The following ARHGAP23 variants were observed in gnomAD, a reference collection of about 807,000 sequenced individuals.
ARHGAP23 encodes Rho GTPase activating protein 23, also known as rho GTPase-activating protein 23.
Under a neutral mutation model 136.3 loss-of-function variants are expected in ARHGAP23, and 34 were observed. That is an observed-to-expected ratio of 0.25 (90% CI 0.19 to 0.33). ARHGAP23 has a LOEUF of 0.33. Among genes scored for constraint, ARHGAP23 ranks in the 10% least tolerant of loss-of-function variants. The probability of loss-of-function intolerance (pLI) is 1.00; values close to 1 mark genes in which losing one functional copy is unlikely to be tolerated. For synonymous variants in ARHGAP23, 832 were observed against 920.5 expected (o/e 0.90, Z 1.74); for missense variants, 1,808 against 2,139.0 (o/e 0.85, Z 3.05).
intron 1 of ARHGAP23, among the ~76,000 whole-genome samples, chr17:38,436,077 A>G (rs1004712067): frequency 1.3e-5 from 2 of 152,146 alleles, no homozygotes; most frequent in African/African-American, 4.8e-5. Flanking sequence ...AAGCCTTGGC[A>G]CTGTGCCCCT....
chr17:38,466,849 C>A lies in ARHGAP23; in HGVS notation c.1166C>A (p.Thr389Asn), dbSNP rs1215539439. ...GCTTCCCAGCGTTCGTCTGCCCGCA[C>A]CCCCGCCTGCCCAACTCGGGACCTG... ...GWASQRSSAR[T>N]PACPTRDLPG... Residue 389 changes from threonine (T) to asparagine (N), a missense_variant, in exon 7 of 24, where the codon ACC becomes AAC. Physicochemically the swap from Thr to Asn is moderately conservative, Grantham distance 65. This residue lies in a region of ARHGAP23 where 859 missense variants were observed against 936.4 expected (regional missense o/e 0.92). Transcript: ENST00000622683. 1.9e-6 allele frequency: 3 copies of A among 1,548,902 alleles called. No individual in the cohort carries two copies. Among genetic ancestry groups the A allele is most frequent in the Non-Finnish European group, 2.6e-6 (3 of 1,146,618 alleles).
intron 23 of ARHGAP23, among the ~76,000 whole-genome samples, chr17:38,507,854 A>G (rs994209252): frequency 1.3e-5 from 2 of 152,232 alleles, no homozygotes; most frequent in African/African-American, 4.8e-5. Flanking sequence ...GAGCAAGGAC[A>G]GTGGCTGCAG....
At chr17:38,440,791 G>A (rs559274807) in intron 1 of ARHGAP23, among the ~76,000 whole-genome samples, 2 of 152,318 alleles carry the variant, frequency 1.3e-5, no homozygotes, top group East Asian at 3.9e-4. Context: ...TCACTGATGA[G>A]GAGAGGGATC....
chr17:38,455,547 G>A (rs923051977), intron 1 of ARHGAP23, among the ~76,000 whole-genome samples: 1 of 152,218 alleles, frequency 6.6e-6, no homozygotes, highest in African/African-American at 2.4e-5. Context: ...GTGTGCTGGG[G>A]GAGGGGCGGG....
At chr17:38,449,550 C>T (rs9630731) in intron 1 of ARHGAP23, among the ~76,000 whole-genome samples, 6 of 152,044 alleles carry the variant, frequency 3.9e-5, no homozygotes, top group Non-Finnish European at 5.9e-5. Context: ...CTGAGGGGGC[C>T]GCCGCCCTTG....
chr17:38,479,230 G>A (rs2039972523), intron 12 of ARHGAP23, among the ~76,000 whole-genome samples: 1 of 152,286 alleles, frequency 6.6e-6, no homozygotes, highest in African/African-American at 2.4e-5. Flanking sequence ...TTACCGAGGA[G>A]ACTGAGGCTC....
In ARHGAP23 at chr17:38,510,044, G is replaced by A. The variant is rs1242761118; in HGVS notation, c.3548G>A (p.Arg1183Gln). ...NRKRKKRREA[R>Q]GLGSSTDDDS... ...AAGCGCAAGAAGCGGCGGGAGGCGC[G>A]GGGGCTGGGCAGCAGCACCGACGAC... is the stretch of plus-strand genomic sequence containing the variant. Residue 1183 changes from arginine to glutamine, a missense_variant, in exon 24 of 24, where the codon CGG becomes CAG. Arg to Gln is a conservative substitution (Grantham distance 43). Transcript: ENST00000622683. The surrounding 1 kb of genome is among the most constrained non-coding windows in gnomAD (Gnocchi z 4.6). 4.0e-6 allele frequency: 5 copies of A among 1,243,894 alleles called. No individual in the cohort carries two copies. The East Asian group carries it at 1.3e-4, about 31-fold the overall frequency. 77.1% of individuals were successfully genotyped at this position (1,243,894 alleles called of 1,614,324 possible).
intron 6 of ARHGAP23, 86 bp from the exon 7 acceptor site, chr17:38,466,081 G>T: frequency 1.7e-6 from 2 of 1,174,898 alleles, no homozygotes; most frequent in South Asian, 1.9e-5. Flanking sequence ...TTTCCCTCCT[G>T]GGCTCCTTGA....
chr17:38,430,010 G>A (rs933224654), intron 1 of ARHGAP23, among the ~76,000 whole-genome samples: 7 of 152,206 alleles, frequency 4.6e-5, no homozygotes, highest in Non-Finnish European at 1.0e-4. Flanking sequence ...CGGCCCCAGC[G>A]GCTTCTTCCA....
chr17:38,435,461 C>A (rs1052629840), intron 1 of ARHGAP23, among the ~76,000 whole-genome samples: 1 of 152,202 alleles, frequency 6.6e-6, no homozygotes, highest in African/African-American at 2.4e-5. Context: ...GCACCCCAGG[C>A]TTTTGGACTG....
At chr17:38,483,406 T>G (rs2040091442) in intron 16 of ARHGAP23, among the ~76,000 whole-genome samples, 1 of 152,220 alleles carries the variant, frequency 6.6e-6, no homozygotes, top group Non-Finnish European at 1.5e-5. Context: ...AGGCCGGCGA[T>G]TCTCAAAGGG....
chr17:38,427,076 T>C (rs2038580999), upstream of ARHGAP23, among the ~76,000 whole-genome samples: 1 of 152,144 alleles, frequency 6.6e-6, no homozygotes, highest in Non-Finnish European at 1.5e-5. Context: ...ACTGAAAAAG[T>C]CATGGGAAAG....
chr17:38,495,325 G>A (rs1254601427), intron 20 of ARHGAP23, among the ~76,000 whole-genome samples: 1 of 151,292 alleles, frequency 6.6e-6, no homozygotes, highest in Non-Finnish European at 1.5e-5. Context: ...TCCAGCTCCT[G>A]GGCTCAAGTG....
At chr17:38,445,720 G>C (rs2144545005) in intron 1 of ARHGAP23, among the ~76,000 whole-genome samples, 1 of 151,342 alleles carries the variant, frequency 6.6e-6, no homozygotes, top group Non-Finnish European at 1.5e-5. Context: ...CTGCAGCCTT[G>C]ACGCCCTGGG....
intron 1 of ARHGAP23, among the ~76,000 whole-genome samples, chr17:38,438,148 C>G (rs2038843306): frequency 6.6e-6 from 1 of 152,078 alleles, no homozygotes; most frequent in Admixed American, 6.5e-5. Flanking sequence ...TGGTGAAACC[C>G]CATCTCTACT....
intron 21 of ARHGAP23, 127 bp from the exon 22 acceptor site, chr17:38,498,287 G>A (rs1174422887): frequency 1.3e-5 from 9 of 667,498 alleles, no homozygotes; most frequent in East Asian, 1.2e-4. Context: ...TGAGGGAGAC[G>A]GTCCCTGCCC....
intron 10 of ARHGAP23, 113 bp downstream of exon 10, chr17:38,470,017 T>G (rs2039710847): frequency 1.5e-6 from 2 of 1,304,260 alleles, no homozygotes; most frequent in Admixed American, 4.1e-5. Context: ...GCTCCTGCCT[T>G]CCTCCTCCTC....
Position 38,477,872 on chromosome 17 carries a change from G to A in ARHGAP23, c.2412G>A (p.Arg804=). 1 of 1,548,534 alleles carries A rather than the reference G, an allele frequency of 6.5e-7. No individual in the cohort carries two copies. The highest frequency in any genetic ancestry group is 8.7e-7 in the Non-Finnish European group (1 of 1,146,478). The part of the protein sequence containing the change: ...DDMLGWIRAI[R]ENSRAEGEDP... ...TGCTGGGCTGGATCAGAGCGATCCGGGAGAACAGCAGGGCCGAGGGCGAGG... is the reference window on the plus strand; with the variant it reads ...TGCTGGGCTGGATCAGAGCGATCCGAGAGAACAGCAGGGCCGAGGGCGAGG... The change falls in exon 12 of 24, where the codon CGG becomes CGA. Residue 804 remains arginine (R), a synonymous_variant. Coordinates refer to ENST00000622683, the MANE Select transcript of ARHGAP23 (RefSeq NM_001199417.2). This position sits in a 1 kb window ranked among gnomAD's most constrained non-coding sequence, Gnocchi z 6.6.
At position 38,510,361 on chromosome 17, in the gene ARHGAP23, ACTGAGGGCG is replaced by A; in HGVS notation, c.3867_3875del (p.Glu1290_Ala1292del). 1 of 1,246,970 alleles carries A rather than the reference ACTGAGGGCG, an allele frequency of 8.0e-7. No homozygotes were observed. The highest frequency in any genetic ancestry group is 1.0e-6 in the Non-Finnish European group (1 of 997,354). 77.2% of individuals were successfully genotyped at this position (1,246,970 alleles called of 1,614,324 possible). On this transcript the variant is annotated inframe_deletion, in exon 24 of 24. Coordinates refer to ENST00000622683, the MANE Select transcript of ARHGAP23 (RefSeq NM_001199417.2). This position sits in a 1 kb window ranked among gnomAD's most constrained non-coding sequence, Gnocchi z 4.6. Reference sequence around the variant, plus strand: ...CGAGCTGAGCCACGTGGAGACGGACACTGAGGGCGCGGCGGGCGCGGGGCCTGGGGGGCG... The same window carrying A: ...CGAGCTGAGCCACGTGGAGACGGACACGGCGGGCGCGGGGCCTGGGGGGCG...
Sources: allele counts gnomAD v4.1 joint callset (sites outside exome capture counted in the v4.1 genomes callset), GRCh38; gene constraint gnomAD v4.1.1; regional missense constraint gnomAD v4.1.1; non-coding constraint Gnocchi (gnomAD v3.1); transcripts MANE v1.5; gene names NCBI Gene and HGNC (gene_info 2026-07-23, HGNC 2026-07-21).